The following ACSS2 variants were observed in gnomAD, a reference collection of about 807,000 sequenced individuals.
ACSS2 encodes acetyl-coenzyme A synthetase, cytoplasmic.
Under a neutral mutation model 90.6 loss-of-function variants are expected in ACSS2, and 58 were observed. The ratio of observed to expected loss-of-function variants is 0.64; its 90% confidence interval spans 0.52 to 0.80. The LOEUF (loss-of-function observed/expected upper bound fraction) is 0.80, where lower values mean the gene tolerates loss of function less well. ACSS2 is among the 30% of genes least tolerant of loss of function. ACSS2 has a pLI of 0.00. For missense variants in ACSS2, 759 were observed against 912.0 expected, an observed-to-expected ratio of 0.83 and a Z score of 2.16; for synonymous variants, 300 against 330.9, an observed-to-expected ratio of 0.91 and a Z score of 1.01.
At position 34,926,145 on chromosome 20, in the gene ACSS2, G is replaced by A; in HGVS notation, c.1767G>A (p.Val589=). 1.2e-6 allele frequency: 2 copies of A among 1,614,200 alleles called. No individual in the cohort carries two copies. Among genetic ancestry groups the A allele is most frequent in the Non-Finnish European group, 1.7e-6 (2 of 1,180,018 alleles). ...LSTAEVESAL[V]EHEAVAEAAV... is the part of the protein sequence containing the mutation. ...CAGCAGAGGTGGAGTCAGCACTTGT[G>A]GAACATGAGGCTGTTGCAGAGGCAG... is the stretch of plus-strand genomic sequence containing the variant. Residue 589 remains valine (V), a synonymous_variant, in exon 16 of 18, where the codon GTG becomes GTA. Coordinates refer to ENST00000360596, the MANE Select transcript of ACSS2 (RefSeq NM_018677.4).
Position 34,921,444 on chromosome 20 carries a change from C to G in ACSS2, c.1392C>G (p.Thr464=), listed in dbSNP as rs1725091553. The G allele has an allele frequency of 6.2e-7, 1 of 1,614,090 alleles. No individual in the cohort carries two copies. The highest frequency in any genetic ancestry group is 1.3e-5 in the African/African-American group (1 of 74,928). The change falls in exon 11 of 18, where the codon ACC becomes ACG. Residue 464 remains threonine (T), a synonymous_variant. Transcript: ENST00000360596. ...CCCAGCGCTGCCCCATCGTGGACAC[C>G]TTCTGGCAAACAGAGACAGTGAGTG... ...VGAQRCPIVD[T]FWQTETGGHM...
In ACSS2 at chr20:34,876,625, CG is replaced by C. The variant is rs765788244; in HGVS notation, c.-19del. ...CCCGCCGCGACCGCAAAGGCGGCCG[CG>C]GTTCTAGGAACTTGACGTGATGGGG... On this transcript the variant is annotated 5_prime_UTR_variant, in exon 1 of 18. Transcript: ENST00000360596. 6.0e-4 allele frequency: 792 copies of C among 1,311,938 alleles called. 1 individual carries two copies. Among genetic ancestry groups the C allele is most frequent in the Non-Finnish European group, 7.4e-4 (755 of 1,023,686 alleles). 81.3% of individuals were successfully genotyped at this position (1,311,938 alleles called of 1,614,324 possible).
chr20:34,877,842 A>T (rs1446639765), intron 1 of ACSS2, among the ~76,000 whole-genome samples: 2 of 151,360 alleles, frequency 1.3e-5, no homozygotes, highest in African/African-American at 4.9e-5. Flanking sequence ...AAAAAAAAAA[A>T]AAAAAAAGGT....
At chr20:34,911,913 C>T (rs1210237866) in intron 2 of ACSS2, among the ~76,000 whole-genome samples, 1 of 151,974 alleles carries the variant, frequency 6.6e-6, no homozygotes, top group Non-Finnish European at 1.5e-5. Flanking sequence ...CTCCACCTCC[C>T]TTCAAGCTAT....
At chr20:34,919,286 T>G in intron 7 of ACSS2, 149 bp from the exon 8 acceptor site, 3 of 1,282,538 alleles carry the variant, frequency 2.3e-6, no homozygotes, top group Non-Finnish European at 3.2e-6. Flanking sequence ...GCTCCTGTTC[T>G]TTCTGTTCCA....
chr20:34,876,236 C>G (rs911510614), upstream of ACSS2, among the ~76,000 whole-genome samples: 3 of 152,082 alleles, frequency 2.0e-5, no homozygotes, highest in Non-Finnish European at 4.4e-5. Context: ...TGCCTCCTCT[C>G]CTGTCACAAC....
Position 34,882,831 on chromosome 20 carries a change from G to C in ACSS2, c.216G>C (p.Lys72Asn), listed in dbSNP as rs1354566383. Residue 72 changes from lysine (K) to asparagine (N), a missense_variant, in exon 2 of 18, where the codon AAG becomes AAC. By Grantham distance (94) the Lys-to-Asn change is moderately conservative. Coordinates refer to ENST00000360596, the MANE Select transcript of ACSS2 (RefSeq NM_018677.4). ...WGDIAKEFYWKTPCPGPFLRY... is the reference protein window; with the variant it reads ...WGDIAKEFYWNTPCPGPFLRY... ...ACATTGCCAAGGAATTTTACTGGAA[G>C]ACTCCATGCCCTGGCCCATTCCTTC... 6.2e-7 allele frequency: 1 copy of C among 1,612,340 alleles called. No individual in the cohort carries two copies. Among genetic ancestry groups the C allele is most frequent in the Non-Finnish European group, 8.5e-7 (1 of 1,179,586 alleles).
chr20:34,899,095 G>C (rs1369646852), intron 2 of ACSS2, among the ~76,000 whole-genome samples: 2 of 152,200 alleles, frequency 1.3e-5, no homozygotes, highest in Non-Finnish European at 2.9e-5. Context: ...CGGCTGCTCC[G>C]AGTGCGGGGC....
At chr20:34,878,912 CT>C (rs552565582) in intron 1 of ACSS2, among the ~76,000 whole-genome samples, 4 of 108,118 alleles carry the variant, frequency 3.7e-5, no homozygotes, top group Admixed American at 2.1e-4. Flanking sequence ...TTTTTTTTTT[CT>C]TTTTTTTTTG....
intron 14 of ACSS2, 134 bp downstream of exon 14, chr20:34,923,565 T>A: frequency 1.4e-6 from 1 of 701,744 alleles, no homozygotes; most frequent in Non-Finnish European, 2.5e-6. Context: ...AGAGGTTTAT[T>A]TTGGATCATC....
At chr20:34,906,409 C>T (rs1207583323) in intron 2 of ACSS2, among the ~76,000 whole-genome samples, 1 of 151,878 alleles carries the variant, frequency 6.6e-6, no homozygotes, top group South Asian at 2.1e-4. Context: ...CCCTGCCCCT[C>T]ACCTTTCCCA....
chr20:34,907,265 G>A (rs1018325811), intron 2 of ACSS2, among the ~76,000 whole-genome samples: 1 of 151,876 alleles, frequency 6.6e-6, no homozygotes, highest in Non-Finnish European at 1.5e-5. Context: ...TTACAGGCAT[G>A]CGCCACCATG....
At chr20:34,923,241 C>A in intron 13 of ACSS2, 82 bp from the exon 14 acceptor site, 1 of 1,030,842 alleles carries the variant, frequency 9.7e-7, no homozygotes, top group Non-Finnish European at 1.5e-6. Context: ...AGGACACTTT[C>A]CCCCACATTT....
At position 34,917,735 on chromosome 20, in the gene ACSS2, T is replaced by G. The variant is rs540108768; in HGVS notation, c.835-1700T>G. ...CATCACACTCTTAAGTTTTTGTGGG[T>G]TTTTTTTGTTGTTTTTGTTTTTGTT... is the stretch of plus-strand genomic sequence containing the variant. On this transcript the variant is annotated intron_variant, in intron 7 of 17. Transcript: ENST00000360596. Among the ~76,000 whole-genome samples, 92 of 150,770 alleles carry G rather than the reference T, an allele frequency of 6.1e-4. No individual in the cohort carries two copies. The South Asian group carries it at 7.1e-3, about 12-fold the overall frequency.
chr20:34,904,011 C>T (rs1352188940), intron 2 of ACSS2, among the ~76,000 whole-genome samples: 1 of 151,758 alleles, frequency 6.6e-6, no homozygotes, highest in African/African-American at 2.4e-5. Flanking sequence ...GAGAAGAAGA[C>T]ATGATCTCTG....
intron 2 of ACSS2, among the ~76,000 whole-genome samples, chr20:34,890,123 G>A (rs1326375270): frequency 6.6e-6 from 1 of 152,164 alleles, no homozygotes; most frequent in Admixed American, 6.5e-5. Context: ...AAGTGTATTA[G>A]CTATTTTTTT....
Position 34,883,003 on chromosome 20 carries a change from T to C in ACSS2, c.374+14T>C, listed in dbSNP as rs367945653. On this transcript the variant is annotated intron_variant, in intron 2 of 17. Coordinates refer to ENST00000360596, the MANE Select transcript of ACSS2 (RefSeq NM_018677.4). ...TGCTTTTTACTGGTAAAAATATCTATCTTATACTTGGTGGCAGATAAAAAC... is the reference window on the plus strand; with the variant it reads ...TGCTTTTTACTGGTAAAAATATCTACCTTATACTTGGTGGCAGATAAAAAC... 7 of 1,585,660 alleles carry C rather than the reference T, an allele frequency of 4.4e-6. No homozygotes were observed. In the African/African-American group the frequency reaches 8.2e-5, roughly 19 times the overall value.
chr20:34,922,937 G>T (rs2081234838), intron 13 of ACSS2: 1 of 167,404 alleles, frequency 6.0e-6, no homozygotes, highest in Non-Finnish European at 1.3e-5. Context: ...TTTTTTAAAT[G>T]AGTGTTTTCA....
Position 34,919,505 on chromosome 20 carries a change from C to G in ACSS2, c.905C>G (p.Pro302Arg), listed in dbSNP as rs1454168130. ...CAAGAGGCAGGGGATGAGTGTGAGC[C>G]CGAGTGGTGTGATGCCGAGGACCCA... is the stretch of plus-strand genomic sequence containing the variant. ...LMQEAGDECE[P>R]EWCDAEDPLF... The change falls in exon 8 of 18, where the codon CCC becomes CGC. Residue 302 changes from proline to arginine, a missense_variant. By Grantham distance (103) the Pro-to-Arg change is moderately radical (BLOSUM62 -2). Transcript: ENST00000360596. 1 of 1,611,516 alleles carries G rather than the reference C, an allele frequency of 6.2e-7. No homozygotes were observed. Among genetic ancestry groups the G allele is most frequent in the African/African-American group, 1.3e-5 (1 of 74,440 alleles).
Sources: gnomAD v4.1 joint callset for allele counts (sites outside exome capture counted in the v4.1 genomes callset) on GRCh38, gnomAD v4.1.1 for gene constraint, MANE v1.5 for transcripts, NCBI Gene and HGNC (gene_info 2026-07-23, HGNC 2026-07-21) for gene names.